The following MASTL variants were observed in gnomAD, a reference collection of about 807,000 sequenced individuals.
MASTL encodes the protein microtubule associated serine/threonine kinase like.
Under a neutral mutation model 82.5 loss-of-function variants are expected in MASTL, and 54 were observed. The observed-to-expected ratio is 0.65, with a 90% CI of 0.53 to 0.82. The LOEUF is 0.82. Among genes scored for constraint, MASTL ranks in the 40% least tolerant of loss-of-function variants. MASTL has a pLI of 0.00. For synonymous variants in MASTL, 323 were observed against 368.9 expected (o/e 0.88, Z 1.43); for missense variants, 950 against 1,047.8 (o/e 0.91, Z 1.29).
Position 27,186,774 on chromosome 10 carries a change from T to A in MASTL, c.*238T>A, listed in dbSNP as rs2058782007. ...CAAAGCTTTTTTCATTTATTTATTT[T>A]GTTTATTGCACTTTATGAAAACTGA... is the stretch of plus-strand genomic sequence containing the variant. On this transcript the variant is annotated 3_prime_UTR_variant, in exon 12 of 12. Transcript: ENST00000375940. 5 of 504,074 alleles carry A rather than the reference T, an allele frequency of 9.9e-6. No homozygotes were observed. The highest frequency in any genetic ancestry group is 1.8e-5 in the Non-Finnish European group (5 of 279,760). 31.2% of individuals were successfully genotyped at this position (504,074 alleles called of 1,614,324 possible).
In MASTL at chr10:27,186,627, A is replaced by G; in HGVS notation, c.*91A>G. 2 of 1,171,874 alleles carry G rather than the reference A, an allele frequency of 1.7e-6. No homozygotes were observed. The highest frequency in any genetic ancestry group is 3.0e-5 in the African/African-American group (2 of 67,390). The allele number at this position is 1,171,874 out of a possible 1,614,324, so 72.6% of individuals were successfully genotyped here. On this transcript the variant is annotated 3_prime_UTR_variant, in exon 12 of 12. Coordinates refer to ENST00000375940, the MANE Select transcript of MASTL (RefSeq NM_001172303.3). ...TAATACTAGATTGATCTAAGGGGGAAAGATCATTATTTAACCTAGTTCAAT... is the reference window on the plus strand; with the variant it reads ...TAATACTAGATTGATCTAAGGGGGAGAGATCATTATTTAACCTAGTTCAAT...
Position 27,186,412 on chromosome 10 carries a change from A to G in MASTL, c.2516A>G (p.Asp839Gly), listed in dbSNP as rs756682504. 6.2e-7 allele frequency: 1 copy of G among 1,614,120 alleles called. No individual in the cohort carries two copies. Among genetic ancestry groups the G allele is most frequent in the East Asian group, 2.2e-5 (1 of 44,870 alleles). The stretch of plus-strand genomic sequence containing the variant: ...CGTCATCCTCTCTTCAGTGATGTGG[A>G]CTGGGAAAATCTGCAGCATCAGACT... The part of the protein sequence containing the change: ...LKRHPLFSDV[D>G]WENLQHQTMP... The change falls in exon 12 of 12, where the codon GAC (aspartate) becomes GGC (glycine). Residue 839 changes from aspartate to glycine, a missense_variant. By Grantham distance (94) the Asp-to-Gly change is moderately conservative. Coordinates refer to ENST00000375940, the MANE Select transcript of MASTL (RefSeq NM_001172303.3).
intron 1 of MASTL, among the ~76,000 whole-genome samples, chr10:27,156,064 G>A (rs908313014): frequency 1.3e-5 from 2 of 152,122 alleles, no homozygotes; most frequent in Non-Finnish European, 2.9e-5. Flanking sequence ...GAGTGCAGTG[G>A]CGCAATCTCG....
rs866756084 is a variant in MASTL, at chr10:27,178,542, A to G, written c.2267-2411A>G. Among the ~76,000 whole-genome samples the G allele has an allele frequency of 6.9e-4, 105 of 152,346 alleles. 1 individual carries two copies. The highest frequency in any genetic ancestry group is 2.5e-3 in the African/African-American group (103 of 41,586). On this transcript the variant is annotated intron_variant, in intron 9 of 11. Coordinates refer to ENST00000375940, the MANE Select transcript of MASTL (RefSeq NM_001172303.3). ...TGAGTTTTGAATTAGAAAGCCAGCA[A>G]TGTAAAACAAATCTGTTCTTTTTCT... is the stretch of plus-strand genomic sequence containing the variant.
intron 4 of MASTL, among the ~76,000 whole-genome samples, chr10:27,163,618 A>T (rs1168533235): frequency 1.4e-5 from 2 of 146,916 alleles, no homozygotes; most frequent in South Asian, 4.3e-4. Context: ...TTATTTACTT[A>T]TTTGTTTTTT....
chr10:27,170,663 C>A lies in MASTL; in HGVS notation c.1704C>A (p.Asn568Lys), dbSNP rs1301469488. The A allele has an allele frequency of 6.2e-7, 1 of 1,611,114 alleles. No homozygotes were observed. Among genetic ancestry groups the A allele is most frequent in the South Asian group, 1.1e-5 (1 of 90,198 alleles). ...GAGCTTCTAAAAATATTTCTATGAA[C>A]TCTGATTCATCTTTTCCTGGAATTT... ...DDRASKNISM[N>K]SDSSFPGISI... Residue 568 changes from asparagine to lysine, a missense_variant, in exon 8 of 12, where the codon AAC (asparagine) becomes AAA (lysine). Physicochemically the swap from Asn to Lys is moderately conservative, Grantham distance 94. Coordinates refer to ENST00000375940, the MANE Select transcript of MASTL (RefSeq NM_001172303.3).
chr10:27,167,587 G>C (rs1377216198), intron 7 of MASTL, among the ~76,000 whole-genome samples: 1 of 152,122 alleles, frequency 6.6e-6, no homozygotes, highest in Non-Finnish European at 1.5e-5. Context: ...CCATGATACA[G>C]ACATTGGCTT....
At chr10:27,174,610 C>T (rs1006438129) in intron 9 of MASTL, among the ~76,000 whole-genome samples, 1 of 152,106 alleles carries the variant, frequency 6.6e-6, no homozygotes, top group Admixed American at 6.6e-5. Context: ...TTCTTTGCCT[C>T]TTCCTGGCTT....
chr10:27,173,191 TTGA>T lies in MASTL; in HGVS notation c.2204_2206del (p.Asp735del), dbSNP rs1457909002. ...AGTGTGAGAAGAGGGGTGGCCCCCG[TTGA>T]TGATGGGCGAATTCTAGGAACCCCA... On this transcript the variant is annotated inframe_deletion, in exon 9 of 12. Transcript: ENST00000375940. 4.3e-6 allele frequency: 7 copies of T among 1,614,110 alleles called. No individual in the cohort carries two copies. Among genetic ancestry groups the T allele is most frequent in the Non-Finnish European group, 5.9e-6 (7 of 1,179,996 alleles).
intron 8 of MASTL, among the ~76,000 whole-genome samples, chr10:27,171,825 CTTTTTTTTTTTT>C (rs112511530): frequency 8.6e-5 from 8 of 93,560 alleles, no homozygotes; most frequent in Non-Finnish European, 1.5e-4. Context: ...AAATATGTTT[CTTTTTTTTTTTT>C]TTTTTTTTTT....
chr10:27,155,060 G>A, upstream of MASTL: 1 of 272,632 alleles, frequency 3.7e-6, no homozygotes, highest in Non-Finnish European at 7.1e-6. Context: ...TATGGGAGGA[G>A]GACCGCTTCC....
Position 27,169,639 on chromosome 10 carries a change from A to C in MASTL, c.985-305A>C, listed in dbSNP as rs11597298. 0.6 allele frequency among the ~76,000 whole-genome samples: 91,597 copies of C among 151,808 alleles called. 27,915 individuals are homozygous for C. Among genetic ancestry groups the C allele is most frequent in the Non-Finnish European group, 0.65 (44,064 of 67,936 alleles). On this transcript the variant is annotated intron_variant, in intron 7 of 11. Coordinates refer to ENST00000375940, the MANE Select transcript of MASTL (RefSeq NM_001172303.3). The stretch of plus-strand genomic sequence containing the variant: ...TATGTACGTAATGCAGCCTTACCCC[A>C]AAATGTGCCTGAATATGTTGCCTGT...
At chr10:27,155,856 ACT>A (rs1342921308) in intron 1 of MASTL, among the ~76,000 whole-genome samples, 1 of 151,432 alleles carries the variant, frequency 6.6e-6, no homozygotes, top group Non-Finnish European at 1.5e-5. Flanking sequence ...GCAAAGTTTG[ACT>A]CTCTTCTCCC....
chr10:27,176,678 A>G (rs2058110453), intron 9 of MASTL, among the ~76,000 whole-genome samples: 1 of 152,126 alleles, frequency 6.6e-6, no homozygotes, highest in African/African-American at 2.4e-5. Flanking sequence ...TACCTCTTCC[A>G]TAAAGCATCC....
chr10:27,171,410 A>AATTATTATTATTATTATT (rs71386919), intron 8 of MASTL, among the ~76,000 whole-genome samples: 6 of 144,754 alleles, frequency 4.1e-5, no homozygotes, highest in African/African-American at 1.6e-4. Flanking sequence ...TGAGTTACAA[A>AATTATTATTATTATTATT]ATTATTATTA....
intron 9 of MASTL, among the ~76,000 whole-genome samples, chr10:27,174,547 C>A (rs764775637): frequency 5.9e-5 from 9 of 152,066 alleles, no homozygotes; most frequent in Non-Finnish European, 1.2e-4. Flanking sequence ...GCTAGAGTTC[C>A]AAAATCAGGT....
chr10:27,181,871 G>A (rs1362895214), intron 11 of MASTL, among the ~76,000 whole-genome samples: 3 of 152,058 alleles, frequency 2.0e-5, no homozygotes, highest in Non-Finnish European at 2.9e-5. Flanking sequence ...TCAGGAGATC[G>A]AGACCATCCT....
intron 4 of MASTL, 22 bp from the exon 5 acceptor site, chr10:27,165,042 A>T (rs1487212928): frequency 7.2e-7 from 1 of 1,394,324 alleles, no homozygotes; most frequent in African/African-American, 1.4e-5. Context: ...ATACATTTAT[A>T]TACTTTTCTT....
At chr10:27,175,640 G>A (rs902857944) in intron 9 of MASTL, among the ~76,000 whole-genome samples, 3 of 151,788 alleles carry the variant, frequency 2.0e-5, no homozygotes, top group East Asian at 3.9e-4. Context: ...TGCCCTACAC[G>A]TGCTCCATGT....
Sources: gnomAD v4.1 joint callset for allele counts (sites outside exome capture counted in the v4.1 genomes callset) on GRCh38, gnomAD v4.1.1 for gene constraint, MANE v1.5 for transcripts, NCBI Gene and HGNC (gene_info 2026-07-23, HGNC 2026-07-21) for gene names.